FBXO21: variants seen among roughly 807,000 people sequenced by gnomAD.
FBXO21 encodes F-box only protein 21.
A neutral mutation model predicts 76.6 loss-of-function variants in FBXO21; 32 were observed. The observed-to-expected ratio is 0.42, with a 90% CI of 0.32 to 0.56. The LOEUF is 0.56. Among genes scored for constraint, FBXO21 ranks in the 20% least tolerant of loss-of-function variants. The probability of loss-of-function intolerance (pLI) is 0.16; values close to 1 mark genes in which losing one functional copy is unlikely to be tolerated. For synonymous variants in FBXO21, 328 were observed against 311.5 expected, an observed-to-expected ratio of 1.05 and a Z score of -0.56; for missense variants, 586 against 797.3, an observed-to-expected ratio of 0.73 and a Z score of 3.19.
intron 7 of FBXO21, 109 bp from the exon 8 acceptor site, chr12:117,167,186 C>T: frequency 2.4e-6 from 2 of 817,756 alleles, no homozygotes; most frequent in Admixed American, 4.7e-5. Context: ...AACATTTCTA[C>T]TTACAATATG....
chr12:117,153,134 G>A (rs924275706), intron 11 of FBXO21, among the ~76,000 whole-genome samples: 4 of 152,166 alleles, frequency 2.6e-5, no homozygotes, highest in African/African-American at 4.8e-5. Flanking sequence ...TCCTCTTGCT[G>A]TTGCTAAGGA....
At chr12:117,174,066 G>A in intron 6 of FBXO21, 139 bp downstream of exon 6, 1 of 684,298 alleles carries the variant, frequency 1.5e-6, no homozygotes, top group South Asian at 1.9e-5. Context: ...GAGCCCAGGA[G>A]TTTGAGGTTG....
At chr12:117,166,663 A>T (rs781607184) in intron 8 of FBXO21, among the ~76,000 whole-genome samples, 28 of 152,242 alleles carry the variant, frequency 1.8e-4, no homozygotes, top group Non-Finnish European at 3.8e-4. Flanking sequence ...ATAGGAAGGT[A>T]TAAATTAAAA....
intron 4 of FBXO21, among the ~76,000 whole-genome samples, chr12:117,175,307 A>AACACTTT (rs1956162258): frequency 6.6e-6 from 1 of 152,208 alleles, no homozygotes; most frequent in Non-Finnish European, 1.5e-5. Context: ...TCTGGAGCTA[A>AACACTTT]CCCCACTTTC....
intron 7 of FBXO21, among the ~76,000 whole-genome samples, chr12:117,168,996 T>C (rs929465601): frequency 3.9e-5 from 6 of 152,196 alleles, no homozygotes; most frequent in Non-Finnish European, 8.8e-5. Flanking sequence ...GGAATATAAG[T>C]CATTCTATTA....
At chr12:117,164,617 G>A (rs1227582478) in intron 9 of FBXO21, among the ~76,000 whole-genome samples, 1 of 152,124 alleles carries the variant, frequency 6.6e-6, no homozygotes, top group Non-Finnish European at 1.5e-5. Flanking sequence ...TTTTCCTACT[G>A]ATGCATCATT....
In FBXO21 at chr12:117,155,774, C is replaced by T. The variant is rs113669572; in HGVS notation, c.1675+17G>A. 484 of 1,606,078 alleles carry T rather than the reference C, an allele frequency of 3.0e-4. 4 individuals carry two copies. The East Asian group carries it at 7.7e-3, about 25-fold the overall frequency. On this transcript the variant is annotated intron_variant, in intron 11 of 11. Coordinates refer to ENST00000622495, the MANE Select transcript of FBXO21 (RefSeq NM_015002.3). ...ACGCCCGCGGGGCCACTGGCACAAG[C>T]GGAACCCGCCGCTTACCTTGGGCTG...
intron 3 of FBXO21, among the ~76,000 whole-genome samples, chr12:117,179,084 G>A (rs1956204177): frequency 6.6e-6 from 1 of 152,192 alleles, no homozygotes; most frequent in African/African-American, 2.4e-5. Flanking sequence ...CTGACATCAT[G>A]AAGAAACAAA....
chr12:117,157,091 G>A (rs537602041), intron 10 of FBXO21, among the ~76,000 whole-genome samples: 3 of 152,014 alleles, frequency 2.0e-5, no homozygotes, highest in Admixed American at 2.0e-4. Flanking sequence ...GCTGAGGCAT[G>A]AGAGTCGCTT....
intron 7 of FBXO21, among the ~76,000 whole-genome samples, chr12:117,170,716 G>A (rs1361099650): frequency 6.6e-6 from 1 of 152,124 alleles, no homozygotes; most frequent in Non-Finnish European, 1.5e-5. Context: ...TGTAGCACAC[G>A]AAGGAAAAAT....
chr12:117,155,305 CTGTACACT>C (rs1955899617), intron 11 of FBXO21: 1 of 156,684 alleles, frequency 6.4e-6, no homozygotes, highest in Admixed American at 6.2e-5. Flanking sequence ...CCCAACCTTA[CTGTACACT>C]TGCGGGCTCT....
chr12:117,172,827 TTA>T (rs1405674796), intron 6 of FBXO21, among the ~76,000 whole-genome samples: 4 of 152,198 alleles, frequency 2.6e-5, no homozygotes, highest in African/African-American at 9.7e-5. Flanking sequence ...AGAAGAAGTT[TTA>T]TGTTTTTTAA....
At position 117,186,582 on chromosome 12, in the gene FBXO21, G is replaced by A. The variant is rs373966599; in HGVS notation, c.376-11C>T. 2.8e-5 allele frequency: 44 copies of A among 1,573,816 alleles called. No individual in the cohort carries two copies. The African/African-American group carries it at 5.6e-4, about 20-fold the overall frequency. ...GCCATTACAAGGAACCTATGAAGAA[G>A]ACATATACAAGTAGGCCTCAATTAT... On this transcript the variant is annotated splice_polypyrimidine_tract_variant and intron_variant, in intron 2 of 11. Transcript: ENST00000622495.
intron 8 of FBXO21, among the ~76,000 whole-genome samples, chr12:117,166,190 C>CAAAAA (rs34746643): frequency 9.3e-6 from 1 of 107,782 alleles, no homozygotes; most frequent in East Asian, 3.0e-4. Context: ...AACTATGTCT[C>CAAAAA]AAAAAAAAAA....
At chr12:117,184,445 G>A (rs555818942) in intron 3 of FBXO21, among the ~76,000 whole-genome samples, 22 of 152,222 alleles carry the variant, frequency 1.4e-4, no homozygotes, top group African/African-American at 5.3e-4. Flanking sequence ...AAAAAAAGTG[G>A]TTGTCCATCT....
chr12:117,178,561 C>T (rs549574120), intron 3 of FBXO21, among the ~76,000 whole-genome samples: 2 of 152,194 alleles, frequency 1.3e-5, no homozygotes, highest in South Asian at 2.1e-4. Context: ...CTTGAACTCT[C>T]GCCCCATTAC....
chr12:117,170,026 C>T (rs1426878381), intron 7 of FBXO21, among the ~76,000 whole-genome samples: 3 of 150,594 alleles, frequency 2.0e-5, no homozygotes, highest in Non-Finnish European at 4.4e-5. Context: ...AAATTATTAG[C>T]ACTAACGATT....
At position 117,189,594 on chromosome 12, in the gene FBXO21, T is replaced by TAAC. The variant is rs376125852; in HGVS notation, c.240-235_240-233dup. 8.8e-3 allele frequency among the ~76,000 whole-genome samples: 1,338 copies of TAAC among 152,134 alleles called. 13 individuals carry two copies. The highest frequency in any genetic ancestry group is 0.031 in the African/African-American group (1,273 of 41,488). Reference sequence around the variant, plus strand: ...CCCATCTCTAAAATGGGGACAGTTGTAACAACAACAACAATAATAATAATG... The same window carrying TAAC: ...CCCATCTCTAAAATGGGGACAGTTGTAACAACAACAACAACAATAATAATAATG... On this transcript the variant is annotated intron_variant, in intron 1 of 11. Transcript: ENST00000622495.
Position 117,144,292 on chromosome 12 carries a change from G to A in FBXO21, c.*1795C>T, listed in dbSNP as rs532565637. The A allele has an allele frequency of 2.0e-5, 3 of 152,280 alleles. No individual in the cohort carries two copies. The highest frequency in any genetic ancestry group is 6.5e-5 in the Admixed American group (1 of 15,296). The allele number at this position is 152,280 out of a possible 1,614,324, so 9.4% of individuals were successfully genotyped here. A position where few individuals can be genotyped will look rare whatever the true frequency, so the allele number is the denominator to read the frequency against. On this transcript the variant is annotated 3_prime_UTR_variant, in exon 12 of 12. Transcript: ENST00000622495. ...ACTTTCCCCTTTAAATGAAAGTAGT[G>A]TACAATCCTCCCAACCTTGGCGGGC...
Sources: allele counts gnomAD v4.1 joint callset (sites outside exome capture counted in the v4.1 genomes callset), GRCh38; gene constraint gnomAD v4.1.1; transcripts MANE v1.5; gene names NCBI Gene and HGNC (gene_info 2026-07-23, HGNC 2026-07-21).